FRMD5: variants seen among roughly 807,000 people sequenced by gnomAD.
The protein encoded by FRMD5 is FERM domain-containing protein 5.
Under a neutral mutation model 69.0 loss-of-function variants are expected in FRMD5, and 20 were observed. The ratio of observed to expected loss-of-function variants is 0.29; its 90% confidence interval spans 0.20 to 0.42. The LOEUF is 0.42. Ranked by LOEUF, FRMD5 falls within the 10% of genes least tolerant of loss-of-function variation. The pLI, the probability that FRMD5 is intolerant of heterozygous loss-of-function variation, is 1.00. For synonymous variants in FRMD5, 271 were observed against 260.1 expected (o/e 1.04, Z -0.40); for missense variants, 595 against 708.6 (o/e 0.84, Z 1.82).
At chr15:44,104,094 T>C (rs1011983612) in intron 1 of FRMD5, among the ~76,000 whole-genome samples, 1 of 152,204 alleles carries the variant, frequency 6.6e-6, no homozygotes, top group Non-Finnish European at 1.5e-5. Flanking sequence ...TGGGACAAGA[T>C]ATGGAGATTG....
At chr15:43,998,752 T>C (rs1262637903) in intron 1 of FRMD5, among the ~76,000 whole-genome samples, 1 of 152,236 alleles carries the variant, frequency 6.6e-6, no homozygotes, top group South Asian at 2.1e-4. Context: ...ATTGATGAGA[T>C]AAGCTTGTGA....
chr15:44,131,501 A>T (rs2077097037), intron 1 of FRMD5, among the ~76,000 whole-genome samples: 1 of 152,218 alleles, frequency 6.6e-6, no homozygotes. Flanking sequence ...CATGTTCATA[A>T]GCAGCATTAT....
chr15:43,873,339 CAAAA>C lies in FRMD5; in HGVS notation c.*542_*545del, dbSNP rs147894024. The C allele has an allele frequency of 6.8e-7, 1 of 1,474,982 alleles. No homozygotes were observed. Among genetic ancestry groups the C allele is most frequent in the African/African-American group, 1.4e-5 (1 of 70,100 alleles). The allele number at this position is 1,474,982 out of a possible 1,614,324, so 91.4% of individuals were successfully genotyped here. A position where few individuals can be genotyped will look rare whatever the true frequency, so the allele number is the denominator to read the frequency against. Reference sequence around the variant, plus strand: ...TTACTTTTTTAAAAGTTCTGGCTGGCAAAAAAAACAAACAAAAAACTAAACAGTC... The same window carrying C: ...TTACTTTTTTAAAAGTTCTGGCTGGCAAAACAAACAAAAAACTAAACAGTC... On this transcript the variant is annotated 3_prime_UTR_variant, in exon 14 of 14. Coordinates refer to ENST00000417257, the MANE Select transcript of FRMD5 (RefSeq NM_032892.5).
chr15:44,126,308 G>A (rs920396120), intron 1 of FRMD5, among the ~76,000 whole-genome samples: 9 of 152,186 alleles, frequency 5.9e-5, no homozygotes, highest in African/African-American at 2.2e-4. Flanking sequence ...CCCTATGACA[G>A]GTGCTACTTT....
chr15:44,144,951 C>T (rs1485517633), intron 1 of FRMD5, among the ~76,000 whole-genome samples: 1 of 152,212 alleles, frequency 6.6e-6, no homozygotes, highest in Non-Finnish European at 1.5e-5. Context: ...TGACTGAAAC[C>T]TGGCCAGTGC....
intron 1 of FRMD5, among the ~76,000 whole-genome samples, chr15:44,164,554 C>T (rs1348746851): frequency 6.6e-6 from 1 of 152,126 alleles, no homozygotes; most frequent in African/African-American, 2.4e-5. Context: ...AATTTTAAAA[C>T]TTTGTTCATA....
intron 1 of FRMD5, among the ~76,000 whole-genome samples, chr15:44,050,433 C>T (rs1054078408): frequency 1.3e-5 from 2 of 151,000 alleles, no homozygotes; most frequent in African/African-American, 4.9e-5. Context: ...GACCATGGCT[C>T]ACTGCAGCCT....
At chr15:44,178,095 G>A (rs889943804) in intron 1 of FRMD5, among the ~76,000 whole-genome samples, 8 of 152,220 alleles carry the variant, frequency 5.3e-5, no homozygotes, top group South Asian at 4.2e-4. Context: ...AGGCTGAGGC[G>A]GGCAGATCAT....
chr15:44,113,021 TA>T (rs1208081768), intron 1 of FRMD5, among the ~76,000 whole-genome samples: 16 of 152,228 alleles, frequency 1.1e-4, no homozygotes, highest in African/African-American at 3.9e-4. Context: ...AAGGGGGTCT[TA>T]TAGGAATGGT....
At chr15:43,907,171 G>A (rs527731063) in intron 5 of FRMD5, among the ~76,000 whole-genome samples, 10 of 152,316 alleles carry the variant, frequency 6.6e-5, no homozygotes, top group Admixed American at 1.3e-4. Context: ...TCCCAGGTGA[G>A]AGCCACAACC....
chr15:44,013,501 T>A (rs1308609260), intron 1 of FRMD5, among the ~76,000 whole-genome samples: 2 of 152,236 alleles, frequency 1.3e-5, no homozygotes, highest in African/African-American at 2.4e-5. Context: ...TATAATATCT[T>A]GCACATGGTG....
At chr15:44,058,529 A>T (rs1044059716) in intron 1 of FRMD5, among the ~76,000 whole-genome samples, 2 of 152,146 alleles carry the variant, frequency 1.3e-5, no homozygotes, top group African/African-American at 4.8e-5. Context: ...AGCTCTTTTT[A>T]AAAGTAATGG....
chr15:43,980,490 C>G (rs1369127238), intron 1 of FRMD5, among the ~76,000 whole-genome samples: 1 of 152,196 alleles, frequency 6.6e-6, no homozygotes, highest in Non-Finnish European at 1.5e-5. Flanking sequence ...GTCATTTGAT[C>G]TTTAGATGCT....
intron 1 of FRMD5, among the ~76,000 whole-genome samples, chr15:44,134,480 G>A (rs1415066607): frequency 2.0e-5 from 3 of 152,158 alleles, no homozygotes; most frequent in African/African-American, 7.2e-5. Context: ...ACAGGGTCTC[G>A]CTCTGTCACC....
chr15:44,126,457 T>C (rs2077025620), intron 1 of FRMD5, among the ~76,000 whole-genome samples: 1 of 152,228 alleles, frequency 6.6e-6, no homozygotes, highest in Admixed American at 6.5e-5. Context: ...TTATGCCAGT[T>C]TTAGAGACTA....
intron 5 of FRMD5, among the ~76,000 whole-genome samples, chr15:43,906,459 T>C (rs976307106): frequency 4.6e-5 from 7 of 152,192 alleles, no homozygotes; most frequent in African/African-American, 1.7e-4. Flanking sequence ...CAACCCTCAG[T>C]TCAAATCAAA....
chr15:44,122,493 C>G (rs1031338613), intron 1 of FRMD5, among the ~76,000 whole-genome samples: 2 of 152,028 alleles, frequency 1.3e-5, no homozygotes, highest in East Asian at 3.9e-4. Context: ...GCAGGAAGAT[C>G]GCTTGAGCCT....
intron 1 of FRMD5, among the ~76,000 whole-genome samples, chr15:44,131,352 G>A (rs1595500144): frequency 6.6e-6 from 1 of 151,700 alleles, no homozygotes; most frequent in Admixed American, 6.6e-5. Flanking sequence ...CGGTAGGAAT[G>A]TAAAATGATA....
At chr15:43,912,255 C>T (rs1356209648) in intron 4 of FRMD5, among the ~76,000 whole-genome samples, 1 of 152,156 alleles carries the variant, frequency 6.6e-6, no homozygotes, top group African/African-American at 2.4e-5. Context: ...AACCCATCCC[C>T]TCACTCCCAC....
Sources: gnomAD v4.1 joint callset for allele counts (sites outside exome capture counted in the v4.1 genomes callset) on GRCh38, gnomAD v4.1.1 for gene constraint, MANE v1.5 for transcripts, NCBI Gene and HGNC (gene_info 2026-07-23, HGNC 2026-07-21) for gene names.